TENM2: variants seen among roughly 807,000 people sequenced by gnomAD.
The protein encoded by TENM2 is teneurin transmembrane protein 2.
In TENM2, 52 loss-of-function variants were observed where a neutral mutation model predicts 245.2. The ratio of observed to expected loss-of-function variants is 0.21; its 90% CI spans 0.17 to 0.27. The LOEUF is 0.27. TENM2 is among the 10% of genes least tolerant of loss of function. TENM2 has a pLI of 1.00. For missense variants in TENM2, 3,046 were observed against 3,666.8 expected, an observed-to-expected ratio of 0.83 and a Z score of 4.37; for synonymous variants, 1,363 against 1,438.9, an observed-to-expected ratio of 0.95 and a Z score of 1.19.
intron 13 of TENM2, among the ~76,000 whole-genome samples, chr5:168,176,529 C>T (rs186343318): frequency 6.6e-6 from 1 of 152,292 alleles, no homozygotes; most frequent in East Asian, 1.9e-4. Context: ...TAGAGAAGCC[C>T]TCCCTGCCCT....
intron 2 of TENM2, among the ~76,000 whole-genome samples, chr5:167,793,689 A>G (rs1765128984): frequency 6.6e-6 from 1 of 151,938 alleles, no homozygotes; most frequent in Non-Finnish European, 1.5e-5. Context: ...TGCAAAAATT[A>G]GCCAATCATG....
At chr5:167,132,328 C>CTG in the TENM2 span, among the ~76,000 whole-genome samples, 1 of 152,158 alleles carries the variant, frequency 6.6e-6, no homozygotes, top group Non-Finnish European at 1.5e-5. Flanking sequence ...TTCTGACCTC[C>CTG]ATCACCATGC....
intron 2 of TENM2, among the ~76,000 whole-genome samples, chr5:167,692,677 C>A (rs1757508579): frequency 6.6e-6 from 1 of 152,148 alleles, no homozygotes; most frequent in Non-Finnish European, 1.5e-5. Context: ...TTTATTCATA[C>A]CCTGTATCCA....
At chr5:167,345,462 A>G (rs1037649937) in intron 1 of TENM2, among the ~76,000 whole-genome samples, 2 of 152,232 alleles carry the variant, frequency 1.3e-5, no homozygotes, top group African/African-American at 4.8e-5. Flanking sequence ...GAGATGACAG[A>G]AAGAAAATTG....
intron 2 of TENM2, among the ~76,000 whole-genome samples, chr5:167,780,994 A>G (rs1764152590): frequency 6.6e-6 from 1 of 152,072 alleles, no homozygotes; most frequent in Non-Finnish European, 1.5e-5. Context: ...TTCTATTTAT[A>G]TCACAAATAG....
the TENM2 span, among the ~76,000 whole-genome samples, chr5:167,258,941 T>C: frequency 6.6e-6 from 1 of 152,152 alleles, no homozygotes; most frequent in Non-Finnish European, 1.5e-5. Flanking sequence ...TTAAGGTTTA[T>C]GTATGGGAGA....
intron 2 of TENM2, among the ~76,000 whole-genome samples, chr5:167,700,717 A>T (rs923673067): frequency 6.6e-6 from 1 of 152,144 alleles, no homozygotes; most frequent in African/African-American, 2.4e-5. Flanking sequence ...CTCTGTAAGA[A>T]TCTCAAAGCC....
At chr5:167,374,761 C>G (rs988660136) in intron 1 of TENM2, among the ~76,000 whole-genome samples, 1 of 151,948 alleles carries the variant, frequency 6.6e-6, no homozygotes. Context: ...ATCCTCTGGT[C>G]CCCGGTTTCC....
intron 1 of TENM2, among the ~76,000 whole-genome samples, chr5:167,331,846 A>G (rs1254768658): frequency 2.0e-5 from 3 of 152,180 alleles, no homozygotes; most frequent in East Asian, 3.9e-4. Context: ...CTCTGAGTGC[A>G]TTTACTCCTC....
chr5:167,103,883 T>C, the TENM2 span, among the ~76,000 whole-genome samples: 2 of 151,824 alleles, frequency 1.3e-5, no homozygotes, highest in East Asian at 3.9e-4. Flanking sequence ...TGCATGTGTG[T>C]ACACACACAC....
the TENM2 span, among the ~76,000 whole-genome samples, chr5:167,130,836 T>C: frequency 1.3e-5 from 2 of 151,858 alleles, no homozygotes; most frequent in African/African-American, 2.4e-5. Flanking sequence ...GATCTTTTAA[T>C]TGTACTTTTT....
intron 13 of TENM2, among the ~76,000 whole-genome samples, chr5:168,166,173 T>A (rs758266682): frequency 7.0e-4 from 107 of 151,916 alleles, no homozygotes; most frequent in Non-Finnish European, 1.5e-3. Context: ...GCTATGTGAG[T>A]TTATAAACCT....
chr5:167,884,415 C>T (rs1024110690), intron 3 of TENM2, among the ~76,000 whole-genome samples: 1 of 152,180 alleles, frequency 6.6e-6, no homozygotes, highest in African/African-American at 2.4e-5. Context: ...ACTCGCTTTC[C>T]CTCAGCCCCT....
intron 2 of TENM2, among the ~76,000 whole-genome samples, chr5:167,439,565 C>T (rs1188294733): frequency 6.6e-6 from 1 of 152,044 alleles, no homozygotes; most frequent in Non-Finnish European, 1.5e-5. Flanking sequence ...TGCATGGACC[C>T]TAGGATATAT....
chr5:167,261,333 T>A, the TENM2 span, among the ~76,000 whole-genome samples: 1 of 152,278 alleles, frequency 6.6e-6, no homozygotes, highest in African/African-American at 2.4e-5. Context: ...CTTAACCTCT[T>A]ACAATCTCAT....
At chr5:168,107,127 C>T (rs1794307916) in intron 9 of TENM2, among the ~76,000 whole-genome samples, 1 of 152,158 alleles carries the variant, frequency 6.6e-6, no homozygotes, top group African/African-American at 2.4e-5. Flanking sequence ...TCTTCCCAGC[C>T]GCCAGGCACG....
chr5:167,491,372 AT>A (rs1768417708), intron 2 of TENM2, among the ~76,000 whole-genome samples: 1 of 152,030 alleles, frequency 6.6e-6, no homozygotes, highest in Non-Finnish European at 1.5e-5. Flanking sequence ...GCCCTATGAT[AT>A]CCAGTTAATT....
At chr5:167,340,393 T>C (rs1201659165) in intron 1 of TENM2, among the ~76,000 whole-genome samples, 2 of 152,220 alleles carry the variant, frequency 1.3e-5, no homozygotes, top group African/African-American at 4.8e-5. Context: ...AGAAATTTAT[T>C]TTTTAACAGT....
chr5:167,994,522 T>A (rs1783906999), intron 5 of TENM2, among the ~76,000 whole-genome samples: 1 of 152,248 alleles, frequency 6.6e-6, no homozygotes, highest in South Asian at 2.1e-4. Context: ...GGGCCCTGCC[T>A]AAGGCAGACC....
Sources: gnomAD v4.1 joint callset for allele counts (sites outside exome capture counted in the v4.1 genomes callset) on GRCh38, gnomAD v4.1.1 for gene constraint, MANE v1.5 for transcripts, NCBI Gene and HGNC (gene_info 2026-07-23, HGNC 2026-07-21) for gene names.